SERPINA6: variants seen among roughly 807,000 people sequenced by gnomAD.
The protein encoded by SERPINA6 is serpin family A member 6, also known as corticosteroid-binding globulin.
SERPINA6 carries 19 observed loss-of-function variants against 26.4 expected under a neutral mutation model. The observed-to-expected ratio is 0.72, with a 90% confidence interval of 0.50 to 1.06. The LOEUF (loss-of-function observed/expected upper bound fraction) is 1.06, where lower values mean the gene tolerates loss of function less well. Among genes scored for constraint, SERPINA6 ranks in the 50% least tolerant of loss-of-function variants. The pLI, the probability that SERPINA6 is intolerant of heterozygous loss-of-function variation, is 0.00. For synonymous variants in SERPINA6, 196 were observed against 199.4 expected, an observed-to-expected ratio of 0.98 and a Z score of 0.14; for missense variants, 473 against 504.0, an observed-to-expected ratio of 0.94 and a Z score of 0.59.
chr14:94,321,965 A>G (rs1895689902), intron 1 of SERPINA6, among the ~76,000 whole-genome samples: 2 of 152,184 alleles, frequency 1.3e-5, no homozygotes, highest in Admixed American at 1.3e-4. Flanking sequence ...ATGAGGGTGA[A>G]AACTCCATCC....
At chr14:94,305,204 C>T (rs941601) in intron 4 of SERPINA6, among the ~76,000 whole-genome samples, 28,060 of 152,006 alleles carry the variant, frequency 0.18, 3,367 homozygotes, top group African/African-American at 0.34. Flanking sequence ...GAACTTCCAG[C>T]GACTCTTTCC....
In SERPINA6 at chr14:94,314,376, C is replaced by T; in HGVS notation, c.273G>A (p.Gln91=). 1.2e-6 allele frequency: 2 copies of T among 1,614,144 alleles called. No homozygotes were observed. Among genetic ancestry groups the T allele is most frequent in the Non-Finnish European group, 1.7e-6 (2 of 1,180,016 alleles). ...TCGHTRAQLL[Q]GLGFNLTERS... is the part of the protein sequence containing the mutation. ...TCTCAGTGAGGTTGAAACCCAGGCC[C>T]TGGAGAAGCTGGGCCCGTGTGTGGC... Residue 91 remains glutamine (Q), a synonymous_variant, in exon 2 of 5, where the codon CAG becomes CAA. Coordinates refer to ENST00000341584, the MANE Select transcript of SERPINA6 (RefSeq NM_001756.4).
At chr14:94,304,745 A>C (rs939141274) in intron 4 of SERPINA6, 142 bp from the exon 5 acceptor site, 4 of 713,016 alleles carry the variant, frequency 5.6e-6, no homozygotes, top group Non-Finnish European at 9.5e-6. Context: ...ATTCTTATCC[A>C]AGTGGCAGCC....
At position 94,314,761 on chromosome 14, in the gene SERPINA6, C is replaced by T. The variant is rs537945842; in HGVS notation, c.-19-94G>A. ...AGGCAGGCAAAAGACCCCATTCAAG[C>T]CCCAGTTCCTTCCTCCACACTGGCT... On this transcript the variant is annotated intron_variant, in intron 1 of 4. Coordinates refer to ENST00000341584, the MANE Select transcript of SERPINA6 (RefSeq NM_001756.4). The T allele has an allele frequency of 3.7e-5, 45 of 1,207,656 alleles. No individual in the cohort carries two copies. In the African/African-American group the frequency reaches 6.4e-4, roughly 17 times the overall value. 74.8% of individuals were successfully genotyped at this position (1,207,656 alleles called of 1,614,324 possible).
At chr14:94,315,069 C>G (rs1895594444) in intron 1 of SERPINA6, among the ~76,000 whole-genome samples, 1 of 152,132 alleles carries the variant, frequency 6.6e-6, no homozygotes, top group Non-Finnish European at 1.5e-5. Flanking sequence ...AAAGCATTCC[C>G]AGAAAAACAA....
At chr14:94,318,541 A>G (rs1193698265) in intron 1 of SERPINA6, among the ~76,000 whole-genome samples, 2 of 152,204 alleles carry the variant, frequency 1.3e-5, no homozygotes, top group African/African-American at 4.8e-5. Context: ...TGATTTTGAC[A>G]AGGATGCCAG....
chr14:94,316,840 T>C lies in SERPINA6; in HGVS notation c.-19-2173A>G, dbSNP rs901608046. ...GCTGGACATCTGTGTTTACCAGCCC[T>C]GAACACTGGGCCTCCTGCTTCTTGG... On this transcript the variant is annotated intron_variant, in intron 1 of 4. Transcript: ENST00000341584. Among the ~76,000 whole-genome samples, 4 of 152,224 alleles carry C rather than the reference T, an allele frequency of 2.6e-5. No homozygotes were observed. The South Asian group carries it at 8.3e-4, about 32-fold the overall frequency.
intron 3 of SERPINA6, among the ~76,000 whole-genome samples, chr14:94,308,945 C>T (rs1895483460): frequency 6.6e-6 from 1 of 152,148 alleles, no homozygotes; most frequent in African/African-American, 2.4e-5. Flanking sequence ...CACTCACTCA[C>T]TTATTCATCC....
chr14:94,313,573 C>G (rs951214246), intron 2 of SERPINA6, among the ~76,000 whole-genome samples: 12 of 152,170 alleles, frequency 7.9e-5, no homozygotes, highest in African/African-American at 2.7e-4. Flanking sequence ...TGCATTCCCC[C>G]CTAGAGCTTC....
chr14:94,315,151 G>T (rs1294032994), intron 1 of SERPINA6, among the ~76,000 whole-genome samples: 1 of 152,156 alleles, frequency 6.6e-6, no homozygotes, highest in Non-Finnish European at 1.5e-5. Context: ...GGATTGAAAT[G>T]AAAGGACACT....
intron 3 of SERPINA6, among the ~76,000 whole-genome samples, 162 bp from the exon 4 acceptor site, chr14:94,306,380 G>A (rs1895440696): frequency 3.3e-5 from 5 of 152,212 alleles, no homozygotes; most frequent in Admixed American, 3.3e-4. Flanking sequence ...AAGGGACAGA[G>A]CAGGAGGCAG....
intron 4 of SERPINA6, among the ~76,000 whole-genome samples, chr14:94,305,860 G>A (rs896473538): frequency 6.6e-6 from 1 of 152,042 alleles, no homozygotes; most frequent in African/African-American, 2.4e-5. Context: ...CTCCTGTGTC[G>A]ACAGCTTCCT....
intron 1 of SERPINA6, 109 bp from the exon 2 acceptor site, chr14:94,314,776 C>G: frequency 9.8e-7 from 1 of 1,016,198 alleles, no homozygotes; most frequent in East Asian, 2.4e-5. Context: ...GTTCCTTCCT[C>G]CACACTGGCT....
intron 2 of SERPINA6, chr14:94,313,805 C>T: frequency 1.5e-6 from 1 of 670,834 alleles, no homozygotes; most frequent in Non-Finnish European, 2.7e-6. Context: ...GGCCTCAAAC[C>T]AACCTGCCAG....
chr14:94,316,851 C>A (rs1451894902), intron 1 of SERPINA6, among the ~76,000 whole-genome samples: 1 of 152,154 alleles, frequency 6.6e-6, no homozygotes, highest in Non-Finnish European at 1.5e-5. Context: ...GAACACTGGG[C>A]CTCCTGCTTC....
At chr14:94,320,454 A>C (rs1481838662) in intron 1 of SERPINA6, among the ~76,000 whole-genome samples, 1 of 152,204 alleles carries the variant, frequency 6.6e-6, no homozygotes, top group East Asian at 1.9e-4. Context: ...GCTGTAACCT[A>C]TCAGCCTATG....
chr14:94,310,098 C>T, intron 2 of SERPINA6, 92 bp from the exon 3 acceptor site: 1 of 1,295,102 alleles, frequency 7.7e-7, no homozygotes, highest in Non-Finnish European at 1.1e-6. Context: ...ACACAGTGGC[C>T]TTCTGCATGC....
rs141674653 is a variant in SERPINA6, at chr14:94,322,226, T to C, written c.-20+1041A>G. On this transcript the variant is annotated intron_variant, in intron 1 of 4. Transcript: ENST00000341584. ...AGCAGCTCTTAAGAGTACCCAGCCA[T>C]GGTCAGGTGTGGTGGCTCATGCCTG... Among the ~76,000 whole-genome samples the C allele has an allele frequency of 3.8e-3, 580 of 152,250 alleles. 2 individuals are homozygous for C. The highest frequency in any genetic ancestry group is 6.2e-3 in the Non-Finnish European group (421 of 68,010).
Position 94,314,061 on chromosome 14 carries a change from G to A in SERPINA6, c.588C>T (p.Val196=), listed in dbSNP as rs1895572675. ...FSGLDSPAIL[V]LVNYIFFKGT... ...CTTTGAAGAAGATATAGTTGACCAG[G>A]ACGAGGATGGCTGGGCTATCCAGCC... Residue 196 remains valine, a synonymous_variant, in exon 2 of 5, where the codon GTC becomes GTT. Transcript: ENST00000341584. The A allele has an allele frequency of 6.2e-7, 1 of 1,614,172 alleles. No homozygotes were observed. Among genetic ancestry groups the A allele is most frequent in the Non-Finnish European group, 8.5e-7 (1 of 1,180,036 alleles).
Sources: gnomAD v4.1 joint callset for allele counts (sites outside exome capture counted in the v4.1 genomes callset) on GRCh38, gnomAD v4.1.1 for gene constraint, MANE v1.5 for transcripts, NCBI Gene and HGNC (gene_info 2026-07-23, HGNC 2026-07-21) for gene names.